MEGF11: variants seen among roughly 807,000 people sequenced by gnomAD.
The protein encoded by MEGF11 is multiple EGF like domains 11.
Under a neutral mutation model 146.6 loss-of-function variants are expected in MEGF11, and 126 were observed. That is an observed-to-expected ratio of 0.86 (90% CI 0.74 to 1.00). MEGF11 has a LOEUF of 1.00. MEGF11 is among the 50% of genes least tolerant of loss of function. MEGF11 has a pLI of 0.00. For missense variants in MEGF11, 1,509 were observed against 1,521.2 expected, an observed-to-expected ratio of 0.99 and a Z score of 0.13; for synonymous variants, 532 against 583.4, an observed-to-expected ratio of 0.91 and a Z score of 1.27.
intron 10 of MEGF11, among the ~76,000 whole-genome samples, chr15:65,948,268 A>G (rs914851211): frequency 1.3e-5 from 2 of 151,880 alleles, no homozygotes; most frequent in African/African-American, 2.4e-5. Context: ...CTCTGTTACA[A>G]TATGCTGTGT....
chr15:65,903,088 G>C (rs986364364), intron 24 of MEGF11, among the ~76,000 whole-genome samples: 3 of 152,176 alleles, frequency 2.0e-5, no homozygotes, highest in African/African-American at 7.2e-5. Flanking sequence ...TCTCTTGATT[G>C]AGAGATAGGA....
At chr15:65,969,440 TG>T (rs1259336220) in intron 8 of MEGF11, among the ~76,000 whole-genome samples, 4 of 152,150 alleles carry the variant, frequency 2.6e-5, no homozygotes, top group African/African-American at 9.7e-5. Context: ...GATCCCCAGA[TG>T]CCACACCCCA....
chr15:65,922,529 T>C (rs2079210081), intron 14 of MEGF11, 57 bp from the exon 15 acceptor site: 1 of 1,490,048 alleles, frequency 6.7e-7, no homozygotes, highest in Non-Finnish European at 8.9e-7. Flanking sequence ...CCAGCCTAGC[T>C]ACCCTTCCTG....
chr15:65,971,240 C>G (rs1041563600), intron 7 of MEGF11: 1 of 153,220 alleles, frequency 6.5e-6, no homozygotes, highest in African/African-American at 2.4e-5. Context: ...GTGATAACTG[C>G]TTTGGTTTCT....
intron 21 of MEGF11, among the ~76,000 whole-genome samples, chr15:65,911,499 C>T (rs1383471392): frequency 6.6e-6 from 1 of 152,210 alleles, no homozygotes; most frequent in African/African-American, 2.4e-5. Flanking sequence ...GCAGCCTCCA[C>T]CTCCTGGGTT....
At chr15:66,177,538 G>A (rs1212755026) in intron 1 of MEGF11, among the ~76,000 whole-genome samples, 1 of 151,890 alleles carries the variant, frequency 6.6e-6, no homozygotes, top group Admixed American at 6.6e-5. Context: ...TGAGGGGAAC[G>A]GCACATTTTA....
At chr15:65,980,963 T>C (rs1006380317) in intron 6 of MEGF11, 65 bp from the exon 7 acceptor site, 10 of 1,471,520 alleles carry the variant, frequency 6.8e-6, no homozygotes, top group African/African-American at 5.7e-5. Context: ...GCCCCAGTGC[T>C]CCAGGGTTCC....
At chr15:66,171,956 G>T (rs1045099125) in intron 1 of MEGF11, among the ~76,000 whole-genome samples, 39 of 152,194 alleles carry the variant, frequency 2.6e-4, no homozygotes, top group Admixed American at 2.0e-4. Flanking sequence ...GGCGCCTCCA[G>T]CTCCCTGCGC....
rs2079222179 is a variant in MEGF11, at chr15:65,922,831, C to T, written c.1814G>A (p.Cys605Tyr). ...CAGGGGATTAGCCTTACTTCTCTGG[C>T]ATAAGGGTCCTCGGAAGCCAGGGGC... ...ECAPGFRGPL[C>Y]QRICPPGFYG... is the part of the protein sequence containing the mutation. Residue 605 changes from cysteine (C) to tyrosine (Y), a missense_variant, in exon 14 of 26, where the codon TGC (cysteine) becomes TAC (tyrosine). Coordinates refer to ENST00000395614, the MANE Select transcript of MEGF11 (RefSeq NM_001385028.1). 2 of 1,613,706 alleles carry T rather than the reference C, an allele frequency of 1.2e-6. No homozygotes were observed. Among genetic ancestry groups the T allele is most frequent in the Non-Finnish European group, 1.7e-6 (2 of 1,179,842 alleles).
intron 1 of MEGF11, among the ~76,000 whole-genome samples, chr15:66,239,881 A>G (rs1327634051): frequency 6.6e-6 from 1 of 152,230 alleles, no homozygotes; most frequent in African/African-American, 2.4e-5. Context: ...ACCTGAACCA[A>G]TGAAACACCA....
rs143696639 is a variant in MEGF11 at position 65,949,698 on chromosome 15, C to T, written c.1287+7849G>A. ...ATCTTCCAGACACGCAGGACCCATG[C>T]GGGAGGAGGCAGCCGGAAGGGGGTC... On this transcript the variant is annotated intron_variant, in intron 10 of 25. Coordinates refer to ENST00000395614, the MANE Select transcript of MEGF11 (RefSeq NM_001385028.1). 3.2e-3 allele frequency among the ~76,000 whole-genome samples: 483 copies of T among 152,280 alleles called. 2 individuals carry two copies. Among genetic ancestry groups the T allele is most frequent in the African/African-American group, 0.011 (463 of 41,558 alleles).
chr15:65,930,836 A>G lies in MEGF11; in HGVS notation c.1395T>C (p.Cys465=). ...GGTCSPVDGS[C]TCKEGWQGLD... is the part of the protein sequence containing the mutation. ...AGGGCACATTACCTTCCTTGCAGGT[A>G]CAGGAGCCATCTACTGGGGAGCAGG... Residue 465 remains cysteine, a synonymous_variant, in exon 11 of 26, where the codon TGT becomes TGC. Transcript: ENST00000395614. 1 of 1,610,272 alleles carries G rather than the reference A, an allele frequency of 6.2e-7. No homozygotes were observed. Among genetic ancestry groups the G allele is most frequent in the Non-Finnish European group, 8.5e-7 (1 of 1,178,022 alleles).
At chr15:66,052,902 A>AT (rs537019825) in intron 5 of MEGF11, among the ~76,000 whole-genome samples, 36 of 152,324 alleles carry the variant, frequency 2.4e-4, no homozygotes, top group African/African-American at 6.0e-4. Context: ...GGGCATCAGT[A>AT]TTTTTAATGC....
At chr15:66,170,884 C>T (rs562543444) in intron 1 of MEGF11, among the ~76,000 whole-genome samples, 33 of 152,310 alleles carry the variant, frequency 2.2e-4, no homozygotes, top group African/African-American at 7.7e-4. Context: ...ATGCCAGAGG[C>T]TGGCTCACTC....
At position 65,996,678 on chromosome 15, in the gene MEGF11, G is replaced by A. The variant is rs550605086; in HGVS notation, c.395-14190C>T. On this transcript the variant is annotated intron_variant, in intron 5 of 25. Coordinates refer to ENST00000395614, the MANE Select transcript of MEGF11 (RefSeq NM_001385028.1). Reference sequence around the variant, plus strand: ...TTTTTGTATTTTTCGTAGAGACAGGGTTTCATCATGCTGACCAGGCTGGTC... The same window carrying A: ...TTTTTGTATTTTTCGTAGAGACAGGATTTCATCATGCTGACCAGGCTGGTC... Among the ~76,000 whole-genome samples, 4 of 152,086 alleles carry A rather than the reference G, an allele frequency of 2.6e-5. No homozygotes were observed. In the East Asian group the frequency reaches 5.8e-4, roughly 22 times the overall value.
At chr15:66,075,455 G>A (rs2085536067) in intron 5 of MEGF11, among the ~76,000 whole-genome samples, 1 of 152,198 alleles carries the variant, frequency 6.6e-6, no homozygotes, top group African/African-American at 2.4e-5. Context: ...TGTAAAGTAT[G>A]AGTTGATGTA....
At chr15:66,010,981 G>A (rs1176719699) in intron 5 of MEGF11, among the ~76,000 whole-genome samples, 2 of 152,158 alleles carry the variant, frequency 1.3e-5, no homozygotes, top group African/African-American at 4.8e-5. Context: ...TAGAGCACTG[G>A]GGACAATGGA....
chr15:66,002,996 C>CT (rs1298031565), intron 5 of MEGF11, among the ~76,000 whole-genome samples: 3,103 of 118,818 alleles, frequency 0.026, 89 homozygotes, highest in African/African-American at 0.081. Context: ...TTTCTTTTTT[C>CT]TTTTTTTTTT....
chr15:66,107,057 C>CCA (rs1555471319), intron 4 of MEGF11, among the ~76,000 whole-genome samples: 4 of 140,474 alleles, frequency 2.8e-5, no homozygotes, highest in South Asian at 2.2e-4. Context: ...TATTCCTACC[C>CCA]CCCCACCAGG....
Sources: gnomAD v4.1 joint callset for allele counts (sites outside exome capture counted in the v4.1 genomes callset) on GRCh38, gnomAD v4.1.1 for gene constraint, MANE v1.5 for transcripts, NCBI Gene and HGNC (gene_info 2026-07-23, HGNC 2026-07-21) for gene names.